Variants in FAM222A observed in about 807,000 individuals in gnomAD.
FAM222A encodes the protein protein FAM222A.
In FAM222A, 7 loss-of-function variants were observed where a neutral mutation model predicts 25.8. The ratio of observed to expected loss-of-function variants is 0.27; its 90% CI spans 0.15 to 0.51. The LOEUF is 0.51. Ranked by LOEUF, FAM222A falls within the 20% of genes least tolerant of loss-of-function variation. FAM222A has a pLI of 0.97. For synonymous variants in FAM222A, 294 were observed against 298.8 expected, an observed-to-expected ratio of 0.98 and a Z score of 0.17; for missense variants, 573 against 640.5, an observed-to-expected ratio of 0.89 and a Z score of 1.14.
At chr12:109,729,161 G>A (rs1024025937) in intron 1 of FAM222A, among the ~76,000 whole-genome samples, 11 of 152,294 alleles carry the variant, frequency 7.2e-5, no homozygotes, top group South Asian at 6.2e-4. Flanking sequence ...CAGCCCAGGG[G>A]TTCCAGCACT....
At chr12:109,720,008 G>C (rs947573837) in intron 1 of FAM222A, 2 of 789,764 alleles carry the variant, frequency 2.5e-6, no homozygotes, top group African/African-American at 3.7e-5. Context: ...GTTTCCTCTT[G>C]TTCAGGAGAG....
chr12:109,747,285 G>A (rs1888429048), intron 2 of FAM222A, among the ~76,000 whole-genome samples: 1 of 152,148 alleles, frequency 6.6e-6, no homozygotes, highest in Admixed American at 6.5e-5. Context: ...AGTGGAGACG[G>A]GGTTTCACCG....
At chr12:109,758,215 C>A (rs567075376) in intron 2 of FAM222A, among the ~76,000 whole-genome samples, 5 of 152,176 alleles carry the variant, frequency 3.3e-5, no homozygotes, top group Non-Finnish European at 7.4e-5. Flanking sequence ...ATGTAGCTTG[C>A]GTGTGTGCAC....
chr12:109,720,022 C>T (rs1887719029), intron 1 of FAM222A: 1 of 901,792 alleles, frequency 1.1e-6, no homozygotes, highest in African/African-American at 1.8e-5. Flanking sequence ...AGGAGAGTCT[C>T]AACAGCTTTC....
intron 2 of FAM222A, among the ~76,000 whole-genome samples, chr12:109,749,658 T>C (rs1367856752): frequency 6.6e-6 from 1 of 152,218 alleles, no homozygotes; most frequent in Non-Finnish European, 1.5e-5. Context: ...TTACCTGTCA[T>C]GAATAGAGAA....
At chr12:109,757,989 A>C (rs1034475820) in intron 2 of FAM222A, among the ~76,000 whole-genome samples, 4 of 152,212 alleles carry the variant, frequency 2.6e-5, no homozygotes, top group African/African-American at 9.6e-5. Context: ...GGGAGTGGGC[A>C]AGGGAAACTG....
chr12:109,747,436 G>T (rs1372603227), intron 2 of FAM222A, among the ~76,000 whole-genome samples: 1 of 152,066 alleles, frequency 6.6e-6, no homozygotes, highest in Non-Finnish European at 1.5e-5. Context: ...GTTGCTCCTT[G>T]TTCTCCCCCT....
At chr12:109,723,154 A>G (rs949877720) in intron 1 of FAM222A, among the ~76,000 whole-genome samples, 1 of 152,122 alleles carries the variant, frequency 6.6e-6, no homozygotes, top group African/African-American at 2.4e-5. Context: ...TGGCATTTTG[A>G]GCCCGGGGTG....
At chr12:109,749,993 C>G (rs1888515169) in intron 2 of FAM222A, among the ~76,000 whole-genome samples, 1 of 152,144 alleles carries the variant, frequency 6.6e-6, no homozygotes, top group South Asian at 2.1e-4. Flanking sequence ...GCTTTGTGAT[C>G]CAGTCTGAAT....
chr12:109,729,600 T>G (rs530048613), intron 1 of FAM222A, among the ~76,000 whole-genome samples: 5 of 152,186 alleles, frequency 3.3e-5, no homozygotes, highest in African/African-American at 1.2e-4. Context: ...GAAAACAAAT[T>G]AACATGTTTG....
intron 1 of FAM222A, among the ~76,000 whole-genome samples, chr12:109,727,571 A>G (rs1887866467): frequency 6.6e-6 from 1 of 151,902 alleles, no homozygotes; most frequent in South Asian, 2.1e-4. Flanking sequence ...CACTCCAGCC[A>G]CCCTTCAGGC....
intron 1 of FAM222A, among the ~76,000 whole-genome samples, chr12:109,737,003 G>T (rs373728774): frequency 2.0e-5 from 3 of 152,250 alleles, no homozygotes; most frequent in African/African-American, 7.2e-5. Flanking sequence ...CTGTAGCACC[G>T]TGAACCCATA....
chr12:109,730,221 C>T (rs1887921073), intron 1 of FAM222A, among the ~76,000 whole-genome samples: 4 of 152,192 alleles, frequency 2.6e-5, no homozygotes, highest in Admixed American at 2.6e-4. Context: ...TATTACGGAG[C>T]CAGGTGAATG....
chr12:109,734,007 G>A (rs1888011258), intron 1 of FAM222A, among the ~76,000 whole-genome samples: 1 of 152,100 alleles, frequency 6.6e-6, no homozygotes, highest in African/African-American at 2.4e-5. Flanking sequence ...GAGGCCAGGA[G>A]TTCAAGACCA....
intron 1 of FAM222A, among the ~76,000 whole-genome samples, chr12:109,725,652 C>T (rs528102805): frequency 1.4e-4 from 21 of 152,038 alleles, no homozygotes; most frequent in African/African-American, 5.1e-4. Context: ...AGCCCATTCC[C>T]GGCCTGTAGT....
intron 2 of FAM222A, among the ~76,000 whole-genome samples, chr12:109,758,183 A>T (rs892508323): frequency 1.3e-5 from 2 of 152,188 alleles, no homozygotes; most frequent in Admixed American, 1.3e-4. Flanking sequence ...CTGGGCACAC[A>T]TGTGAGCATC....
intron 1 of FAM222A, among the ~76,000 whole-genome samples, chr12:109,739,556 A>G (rs961576531): frequency 5.9e-5 from 9 of 152,082 alleles, no homozygotes; most frequent in Non-Finnish European, 1.0e-4. Flanking sequence ...TTGAATGTTT[A>G]TGGGATGAAT....
intron 2 of FAM222A, among the ~76,000 whole-genome samples, chr12:109,753,286 T>C (rs1446281173): frequency 1.3e-5 from 2 of 152,140 alleles, no homozygotes; most frequent in Non-Finnish European, 2.9e-5. Flanking sequence ...CTTGGGTAAG[T>C]GACGTGGCCT....
At position 109,768,479 on chromosome 12, in the gene FAM222A, C is replaced by T. The variant is rs758693798; in HGVS notation, c.550C>T (p.Leu184=). 3.1e-6 allele frequency: 5 copies of T among 1,603,890 alleles called. No homozygotes were observed. Among genetic ancestry groups the T allele is most frequent in the Non-Finnish European group, 4.2e-6 (5 of 1,178,930 alleles). Residue 184 remains leucine (L), a synonymous_variant, in exon 3 of 3, where the codon CTG becomes TTG. Transcript: ENST00000538780. ...AAATAASVIP[L]PGRGLPLPPS... ...CGCCACTGCCGCCTCCGTCATCCCC[C>T]TGCCGGGCCGGGGCCTGCCCCTGCC...
Sources: gnomAD v4.1 joint callset for allele counts (sites outside exome capture counted in the v4.1 genomes callset) on GRCh38, gnomAD v4.1.1 for gene constraint, MANE v1.5 for transcripts, NCBI Gene and HGNC (gene_info 2026-07-23, HGNC 2026-07-21) for gene names.